HSF5: variants seen among roughly 807,000 people sequenced by gnomAD.
HSF5 encodes the protein heat shock transcription factor 5.
Under a neutral mutation model 50.8 loss-of-function variants are expected in HSF5, and 5 were observed. The ratio of observed to expected loss-of-function variants is 0.10; its 90% CI spans 0.05 to 0.21. The LOEUF is 0.21. HSF5 is among the 10% of genes least tolerant of loss of function. HSF5 has a pLI of 1.00. For synonymous variants in HSF5, 307 were observed against 307.4 expected, an observed-to-expected ratio of 1.00 and a Z score of 0.02; for missense variants, 564 against 762.6, an observed-to-expected ratio of 0.74 and a Z score of 3.07.
At chr17:58,446,917 G>A (rs1412861955) in intron 5 of HSF5, among the ~76,000 whole-genome samples, 2 of 152,156 alleles carry the variant, frequency 1.3e-5, no homozygotes, top group Non-Finnish European at 2.9e-5. Flanking sequence ...ATGAGGTCAG[G>A]AGTTGGAGAC....
At chr17:58,476,820 T>C in intron 2 of HSF5, 3 of 1,562,980 alleles carry the variant, frequency 1.9e-6, no homozygotes, top group Non-Finnish European at 2.6e-6. Flanking sequence ...TCATTAAGTC[T>C]GTCTATTTCA....
chr17:58,478,280 AATAT>A (rs770822725), intron 2 of HSF5, among the ~76,000 whole-genome samples: 1 of 132,790 alleles, frequency 7.5e-6, no homozygotes, highest in Non-Finnish European at 1.6e-5. Flanking sequence ...AAAATAAATA[AATAT>A]ATATATATAT....
rs1017089 is a variant in HSF5, at chr17:58,466,919, G to T, written c.986C>A (p.Thr329Asn). ...MDALSSCVTPTASSYAHCNYF... is the reference protein window; with the variant it reads ...MDALSSCVTPNASSYAHCNYF... ...GTTGCAGTGTGCATAGGAAGAGGCA[G>T]TGGGAGTGACACAACTACTTAGAGC... The change falls in exon 3 of 6, where the codon ACT becomes AAT. Residue 329 changes from threonine (T) to asparagine (N), a missense_variant. Coordinates refer to ENST00000323777, the MANE Select transcript of HSF5 (RefSeq NM_001080439.3). 8.2e-4 allele frequency: 1,321 copies of T among 1,609,750 alleles called. 1 individual carries two copies. The highest frequency in any genetic ancestry group is 1.0e-3 in the Non-Finnish European group (1,226 of 1,176,128).
At chr17:58,438,729 T>C (rs1974459240) in intron 5 of HSF5, among the ~76,000 whole-genome samples, 1 of 151,936 alleles carries the variant, frequency 6.6e-6, no homozygotes, top group Non-Finnish European at 1.5e-5. Flanking sequence ...GAAGGGAATA[T>C]TTGACTGCCT....
chr17:58,477,032 G>A (rs974696145), intron 2 of HSF5: 39 of 548,376 alleles, frequency 7.1e-5, no homozygotes, highest in Non-Finnish European at 1.1e-4. Context: ...GCACACGCGC[G>A]GGCGCTTGCT....
chr17:58,445,593 A>T (rs1974550647), intron 5 of HSF5, among the ~76,000 whole-genome samples: 1 of 152,240 alleles, frequency 6.6e-6, no homozygotes, highest in African/African-American at 2.4e-5. Flanking sequence ...GTGCTACAAC[A>T]TGAATGAACC....
intron 2 of HSF5, among the ~76,000 whole-genome samples, chr17:58,477,862 G>A (rs534140445): frequency 1.7e-4 from 26 of 150,476 alleles, no homozygotes; most frequent in East Asian, 5.8e-4. Context: ...CTTTAGTGCC[G>A]CCTGGGAGAA....
At chr17:58,448,406 C>A (rs1370453036) in intron 5 of HSF5, among the ~76,000 whole-genome samples, 1 of 151,912 alleles carries the variant, frequency 6.6e-6, no homozygotes, top group African/African-American at 2.4e-5. Context: ...CAAGCAGATC[C>A]CAAATGAGAC....
At chr17:58,476,073 C>A in intron 2 of HSF5, 2 of 568,082 alleles carry the variant, frequency 3.5e-6, no homozygotes, top group South Asian at 2.2e-5. Flanking sequence ...GCAACTTGCT[C>A]CCAAGGACTG....
At chr17:58,482,785 A>T (rs1975116890) in intron 1 of HSF5, among the ~76,000 whole-genome samples, 1 of 151,332 alleles carries the variant, frequency 6.6e-6, no homozygotes, top group Admixed American at 6.6e-5. Context: ...CTTTACAAAA[A>T]ATAAAACAAT....
intron 1 of HSF5, among the ~76,000 whole-genome samples, chr17:58,486,459 T>TC (rs1360377133): frequency 6.6e-6 from 1 of 152,260 alleles, no homozygotes; most frequent in African/African-American, 2.4e-5. Flanking sequence ...AAAAGTTTTT[T>TC]CAATACTGAA....
Position 58,422,039 on chromosome 17 carries a change from T to C in HSF5, c.*321A>G. On this transcript the variant is annotated 3_prime_UTR_variant, in exon 6 of 6. Coordinates refer to ENST00000323777, the MANE Select transcript of HSF5 (RefSeq NM_001080439.3). ...ACAAATCAGCACACACACAGATTAT[T>C]CTTAGTACCATAGATGGAGCAGTTT... 4.3e-6 allele frequency: 1 copy of C among 233,390 alleles called. No individual in the cohort carries two copies. The highest frequency in any genetic ancestry group is 8.5e-6 in the Non-Finnish European group (1 of 117,712). The allele number at this position is 233,390 out of a possible 1,614,324, so 14.5% of individuals were successfully genotyped here.
chr17:58,480,731 T>C (rs1975086499), intron 1 of HSF5, among the ~76,000 whole-genome samples: 2 of 151,498 alleles, frequency 1.3e-5, no homozygotes, highest in South Asian at 4.2e-4. Flanking sequence ...GTGGAACATA[T>C]AACAAGATAA....
At chr17:58,479,163 T>C (rs1975066276) in intron 2 of HSF5, among the ~76,000 whole-genome samples, 1 of 152,048 alleles carries the variant, frequency 6.6e-6, no homozygotes, top group Non-Finnish European at 1.5e-5. Flanking sequence ...TTTCATTAAA[T>C]ATCATTACTG....
intron 5 of HSF5, among the ~76,000 whole-genome samples, chr17:58,438,483 T>A (rs1462259583): frequency 6.6e-6 from 1 of 152,114 alleles, no homozygotes; most frequent in Non-Finnish European, 1.5e-5. Flanking sequence ...CAGCACATGG[T>A]TAGGACACAG....
At chr17:58,483,642 T>A (rs543200010) in intron 1 of HSF5, among the ~76,000 whole-genome samples, 140 of 152,280 alleles carry the variant, frequency 9.2e-4, no homozygotes, top group African/African-American at 3.2e-3. Context: ...TATCCCCAGG[T>A]AAAAGATTAT....
intron 2 of HSF5, among the ~76,000 whole-genome samples, chr17:58,474,069 C>T (rs558493317): frequency 1.0e-3 from 159 of 152,202 alleles, no homozygotes; most frequent in Middle Eastern, 3.4e-3. Flanking sequence ...GTCTGGAACT[C>T]CTGGCCTTAA....
chr17:58,476,300 A>C, intron 2 of HSF5: 2 of 1,044,226 alleles, frequency 1.9e-6, no homozygotes, highest in Non-Finnish European at 3.0e-6. Context: ...TGGTACTGTA[A>C]TGGGTTTGGC....
Position 58,480,020 on chromosome 17 carries a change from G to A in HSF5, c.798C>T (p.Thr266=), listed in dbSNP as rs115372024. Residue 266 remains threonine (T), a synonymous_variant, in exon 2 of 6, where the codon ACC becomes ACT. Coordinates refer to ENST00000323777, the MANE Select transcript of HSF5 (RefSeq NM_001080439.3). ...PVLQRFPTEV[T]YTLQPSTTSV... ...ATGTGGTGCTGGGCTGCAGTGTATA[G>A]GTAACCTCAGTTGGAAACCTCTGGA... The A allele has an allele frequency of 5.1e-4, 819 of 1,614,082 alleles. 5 individuals are homozygous for A. In the African/African-American group the frequency reaches 9.8e-3, roughly 19 times the overall value.
Sources: allele counts gnomAD v4.1 joint callset (sites outside exome capture counted in the v4.1 genomes callset), GRCh38; gene constraint gnomAD v4.1.1; transcripts MANE v1.5; gene names NCBI Gene and HGNC (gene_info 2026-07-23, HGNC 2026-07-21).